INTS10: variants seen among roughly 807,000 people sequenced by gnomAD.
INTS10 encodes integrator complex subunit 10, also known as chromosome 8 open reading frame 35.
A neutral mutation model predicts 94.4 loss-of-function variants in INTS10; 44 were observed. That is an observed-to-expected ratio of 0.47 (90% CI 0.37 to 0.60). The LOEUF (loss-of-function observed/expected upper bound fraction) is 0.60, where lower values mean the gene tolerates loss of function less well. Among genes scored for constraint, INTS10 ranks in the 20% least tolerant of loss-of-function variants. The pLI, the probability that INTS10 is intolerant of heterozygous loss-of-function variation, is 0.00. For missense variants in INTS10, 797 were observed against 868.7 expected (o/e 0.92, Z 1.04); for synonymous variants, 341 against 320.7 (o/e 1.06, Z -0.68).
At chr8:19,819,929 A>G (rs941897794) in intron 3 of INTS10, among the ~76,000 whole-genome samples, 1 of 152,266 alleles carries the variant, frequency 6.6e-6, no homozygotes, top group Non-Finnish European at 1.5e-5. Context: ...CAATAACCAG[A>G]TAGCAGCTAT....
At chr8:19,850,201 G>T (rs1159849121) in intron 16 of INTS10, among the ~76,000 whole-genome samples, 2 of 152,044 alleles carry the variant, frequency 1.3e-5, no homozygotes, top group African/African-American at 4.8e-5. Context: ...GTCTGCAAGT[G>T]CCAGTAACCT....
At chr8:19,819,842 C>G (rs1237236327) in intron 3 of INTS10, among the ~76,000 whole-genome samples, 166 bp downstream of exon 3, 1 of 152,112 alleles carries the variant, frequency 6.6e-6, no homozygotes, top group Non-Finnish European at 1.5e-5. Flanking sequence ...TTGCTTAGAA[C>G]CCTTTAAGCT....
At chr8:19,837,663 T>C (rs900354588) in intron 13 of INTS10, 2 of 153,128 alleles carry the variant, frequency 1.3e-5, no homozygotes, top group Non-Finnish European at 2.9e-5. Flanking sequence ...AGCTTCGTGT[T>C]GCTTGAAAAA....
At chr8:19,832,700 C>T (rs2067325609) in intron 11 of INTS10, among the ~76,000 whole-genome samples, 1 of 152,218 alleles carries the variant, frequency 6.6e-6, no homozygotes, top group East Asian at 1.9e-4. Context: ...TTCTCACCCT[C>T]CTCTCTCTGC....
At chr8:19,832,149 C>A in intron 11 of INTS10, 39 bp downstream of exon 11, 1 of 1,114,476 alleles carries the variant, frequency 9.0e-7, no homozygotes, top group Non-Finnish European at 1.4e-6. Flanking sequence ...TGTGTCTGTA[C>A]AGCATGGCTA....
At chr8:19,831,192 A>T (rs562204033) in intron 10 of INTS10, among the ~76,000 whole-genome samples, 8 of 152,304 alleles carry the variant, frequency 5.3e-5, no homozygotes, top group Non-Finnish European at 1.0e-4. Flanking sequence ...GTCATGTGTC[A>T]TACAGAGCCC....
At chr8:19,825,699 A>G (rs1396926004) in intron 8 of INTS10, among the ~76,000 whole-genome samples, 1 of 152,182 alleles carries the variant, frequency 6.6e-6, no homozygotes, top group African/African-American at 2.4e-5. Context: ...AATCACCCAC[A>G]ATCCTTCCAG....
intron 9 of INTS10, among the ~76,000 whole-genome samples, chr8:19,830,077 G>C (rs1315640795): frequency 4.6e-5 from 7 of 152,154 alleles, no homozygotes; most frequent in African/African-American, 1.7e-4. Context: ...TGTTTAAGCT[G>C]TGTCTCTCAA....
chr8:19,818,813 C>T (rs2066142233), intron 2 of INTS10: 1 of 159,192 alleles, frequency 6.3e-6, no homozygotes, highest in Non-Finnish European at 1.4e-5. Context: ...GACCCCTTCC[C>T]ATATCAGTAT....
chr8:19,822,643 CTTT>C, intron 5 of INTS10, 123 bp downstream of exon 5: 1 of 529,168 alleles, frequency 1.9e-6, no homozygotes, highest in Non-Finnish European at 3.2e-6. Flanking sequence ...CATTTAAGTT[CTTT>C]TTTTTTTAAT....
intron 13 of INTS10, among the ~76,000 whole-genome samples, chr8:19,838,916 CA>C (rs1247263985): frequency 6.6e-6 from 1 of 151,772 alleles, no homozygotes; most frequent in African/African-American, 2.4e-5. Flanking sequence ...CTAAGAAATA[CA>C]AAAAATTAGC....
intron 13 of INTS10, among the ~76,000 whole-genome samples, chr8:19,840,834 G>T (rs755401671): frequency 6.6e-6 from 1 of 152,098 alleles, no homozygotes; most frequent in Non-Finnish European, 1.5e-5. Flanking sequence ...TGACCCTGTA[G>T]ATGAAGACTC....
In INTS10 at chr8:19,842,849, T is replaced by C; in HGVS notation, c.1641T>C (p.Gly547=). 1 of 1,609,218 alleles carries C rather than the reference T, an allele frequency of 6.2e-7. No individual in the cohort carries two copies. Among genetic ancestry groups the C allele is most frequent in the Non-Finnish European group, 8.5e-7 (1 of 1,175,668 alleles). The change falls in exon 14 of 17, where the codon GGT becomes GGC. Residue 547 remains glycine (G), a splice_region_variant and synonymous_variant. Transcript: ENST00000397977. ...PSKVKPKFRK[G]SDLKLLPCTS... is the part of the protein sequence containing the mutation. ...CCTAACATTGTGGACTTCTGTTAGG[T>C]TCGGATCTGAAGCTCCTGCCTTGTA...
intron 8 of INTS10, among the ~76,000 whole-genome samples, 182 bp from the exon 9 acceptor site, chr8:19,826,244 C>A (rs1395446434): frequency 6.6e-6 from 1 of 152,082 alleles, no homozygotes; most frequent in East Asian, 1.9e-4. Context: ...CCATGCCCGG[C>A]TAATGTTTTG....
At chr8:19,834,268 T>C (rs1424259182) in intron 12 of INTS10, among the ~76,000 whole-genome samples, 1 of 152,214 alleles carries the variant, frequency 6.6e-6, no homozygotes, top group Non-Finnish European at 1.5e-5. Context: ...CTATATGTTG[T>C]TGATCACTTT....
intron 7 of INTS10, chr8:19,824,321 A>G (rs1589939236): frequency 8.5e-6 from 2 of 234,690 alleles, no homozygotes; most frequent in East Asian, 1.1e-4. Context: ...GTGAAACCCC[A>G]TCTCTACTAA....
intron 5 of INTS10, among the ~76,000 whole-genome samples, chr8:19,823,053 A>T (rs975407017): frequency 2.6e-5 from 4 of 152,196 alleles, no homozygotes; most frequent in Non-Finnish European, 5.9e-5. Context: ...GAAGCATAGT[A>T]ATAAACATCT....
At chr8:19,824,743 A>G in intron 7 of INTS10, 60 bp from the exon 8 acceptor site, 3 of 1,237,058 alleles carry the variant, frequency 2.4e-6, no homozygotes, top group Non-Finnish European at 3.4e-6. Context: ...GCTTTTCTCT[A>G]GACTTCTTGC....
In INTS10 at chr8:19,849,684, A is replaced by G. The variant is rs940056023; in HGVS notation, c.1977-1965A>G. ...TTAGTTGCCTGGTATCTAAATAGGC[A>G]CTAATGTGTTTTTTTTCCTGCTACT... On this transcript the variant is annotated intron_variant, in intron 16 of 16. Coordinates refer to ENST00000397977, the MANE Select transcript of INTS10 (RefSeq NM_018142.4). This position sits in a 1 kb window ranked among gnomAD's most constrained non-coding sequence, Gnocchi z 4.6. Among the ~76,000 whole-genome samples the G allele has an allele frequency of 6.6e-6, 1 of 152,160 alleles. No homozygotes were observed. The highest frequency in any genetic ancestry group is 2.4e-5 in the African/African-American group (1 of 41,432).
Sources: allele counts gnomAD v4.1 joint callset (sites outside exome capture counted in the v4.1 genomes callset), GRCh38; gene constraint gnomAD v4.1.1; non-coding constraint Gnocchi (gnomAD v3.1); transcripts MANE v1.5; gene names NCBI Gene and HGNC (gene_info 2026-07-23, HGNC 2026-07-21).